Variants in C2CD5 observed in about 807,000 individuals in gnomAD.
C2CD5 encodes C2 domain-containing protein 5.
C2CD5 carries 109 observed loss-of-function variants against 130.3 expected under a neutral mutation model. The observed-to-expected ratio is 0.84, with a 90% CI of 0.72 to 0.98. The LOEUF (loss-of-function observed/expected upper bound fraction) is 0.98. Ranked by LOEUF, C2CD5 falls within the 50% of genes least tolerant of loss-of-function variation. The pLI, the probability that C2CD5 is intolerant of heterozygous loss-of-function variation, is 0.00. For synonymous variants in C2CD5, 454 were observed against 429.2 expected (o/e 1.06, Z -0.71); for missense variants, 996 against 1,261.8 (o/e 0.79, Z 3.19).
rs765762043 is a variant in C2CD5, at chr12:22,472,317, G to A, written c.2138C>T (p.Pro713Leu). 2.6e-6 allele frequency: 4 copies of A among 1,512,262 alleles called. No homozygotes were observed. The highest frequency in any genetic ancestry group is 1.2e-5 in the South Asian group (1 of 83,158). The allele number at this position is 1,512,262 out of a possible 1,614,324, so 93.7% of individuals were successfully genotyped here. ...GFYSCNTEIM[P>L]GINNWTSEIQ... is the part of the protein sequence containing the mutation. ...TTCAGAGGTCCAATTATTTATACCG[G>A]GCATAATTTCTGTATTACAACTATA... The change falls in exon 18 of 27, where the codon CCC becomes CTC. Residue 713 changes from proline to leucine, a missense_variant. Transcript: ENST00000446597.
At chr12:22,524,364 T>C in intron 6 of C2CD5, 108 bp downstream of exon 6, 2 of 881,812 alleles carry the variant, frequency 2.3e-6, no homozygotes, top group Non-Finnish European at 3.6e-6. Flanking sequence ...ATGCAGTCAC[T>C]TATAATTCAT....
At chr12:22,505,973 C>CCACCAA (rs1188126805) in intron 10 of C2CD5, among the ~76,000 whole-genome samples, 1 of 141,596 alleles carries the variant, frequency 7.1e-6, no homozygotes, top group Non-Finnish European at 1.6e-5. Flanking sequence ...GTGCTGGGAT[C>CCACCAA]TGGGTTCTGT....
intron 14 of C2CD5, among the ~76,000 whole-genome samples, chr12:22,481,338 A>G (rs1191105562): frequency 6.6e-6 from 1 of 152,170 alleles, no homozygotes; most frequent in African/African-American, 2.4e-5. Flanking sequence ...TTAAATGTCT[A>G]TGCACTCTCA....
chr12:22,511,773 C>A (rs113529218), intron 9 of C2CD5, among the ~76,000 whole-genome samples: 18 of 152,242 alleles, frequency 1.2e-4, no homozygotes, highest in African/African-American at 4.1e-4. Flanking sequence ...GTCACAGGCA[C>A]AACATACAAG....
At chr12:22,495,382 A>G (rs1449672535) in intron 10 of C2CD5, among the ~76,000 whole-genome samples, 2 of 152,100 alleles carry the variant, frequency 1.3e-5, no homozygotes, top group Admixed American at 6.6e-5. Context: ...TTCTACATAT[A>G]TTTATTTTTA....
intron 2 of C2CD5, 106 bp downstream of exon 2, chr12:22,543,955 A>C: frequency 1.2e-6 from 1 of 804,986 alleles, no homozygotes. Context: ...GGCCGAAGGG[A>C]GGGCAGTCGA....
chr12:22,519,230 C>G, intron 7 of C2CD5: 4 of 1,535,614 alleles, frequency 2.6e-6, no homozygotes, highest in Middle Eastern at 1.7e-4. Context: ...GAGGATGAAC[C>G]AGCGGAGACC....
chr12:22,501,198 C>T (rs1947738190), intron 10 of C2CD5, among the ~76,000 whole-genome samples: 1 of 152,148 alleles, frequency 6.6e-6, no homozygotes. Flanking sequence ...TTTTAACATT[C>T]TATAACTTAT....
At chr12:22,461,479 G>GCTATGTA (rs1279457717) in intron 22 of C2CD5, among the ~76,000 whole-genome samples, 6 of 152,172 alleles carry the variant, frequency 3.9e-5, no homozygotes, top group Non-Finnish European at 7.3e-5. Flanking sequence ...GAGCTTACCT[G>GCTATGTA]AGTATGTATT....
chr12:22,514,477 T>C (rs1312382974), intron 8 of C2CD5, among the ~76,000 whole-genome samples: 3 of 152,124 alleles, frequency 2.0e-5, no homozygotes, highest in Non-Finnish European at 4.4e-5. Flanking sequence ...AATGTAAATT[T>C]GTAGTGATAA....
chr12:22,485,902 A>C (rs1208578006), intron 12 of C2CD5, among the ~76,000 whole-genome samples: 1 of 134,198 alleles, frequency 7.5e-6, no homozygotes, highest in African/African-American at 2.4e-5. Flanking sequence ...CTACTCTCCT[A>C]CATTCTCCAA....
intron 10 of C2CD5, among the ~76,000 whole-genome samples, chr12:22,496,933 C>T (rs1312076160): frequency 6.6e-6 from 1 of 151,956 alleles, no homozygotes; most frequent in Non-Finnish European, 1.5e-5. Context: ...GGCCACAGCT[C>T]GATATCTTGC....
At chr12:22,467,297 G>A (rs999103284) in intron 22 of C2CD5, among the ~76,000 whole-genome samples, 1 of 152,032 alleles carries the variant, frequency 6.6e-6, no homozygotes, top group African/African-American at 2.4e-5. Flanking sequence ...GGCTTCCTGA[G>A]TAGCTGGGAC....
intron 3 of C2CD5, among the ~76,000 whole-genome samples, chr12:22,532,031 G>A (rs190220985): frequency 2.6e-4 from 39 of 152,240 alleles, no homozygotes; most frequent in Admixed American, 4.6e-4. Flanking sequence ...CCAAAATGCT[G>A]AGTGATTTAA....
At chr12:22,519,179 G>A (rs1950042697) in intron 7 of C2CD5, 3 of 1,535,782 alleles carry the variant, frequency 2.0e-6, no homozygotes, top group Non-Finnish European at 2.6e-6. Flanking sequence ...CAGTAGCAGT[G>A]TGAATTGGGC....
At chr12:22,496,882 C>T (rs1379261970) in intron 10 of C2CD5, among the ~76,000 whole-genome samples, 1 of 151,948 alleles carries the variant, frequency 6.6e-6, no homozygotes, top group African/African-American at 2.4e-5. Flanking sequence ...AGGTTGACAT[C>T]AGAATTCATT....
chr12:22,534,195 A>G (rs1951604636), intron 3 of C2CD5, among the ~76,000 whole-genome samples: 1 of 152,194 alleles, frequency 6.6e-6, no homozygotes, highest in Non-Finnish European at 1.5e-5. Context: ...CTATTAAAAG[A>G]AAGGAATGAA....
chr12:22,540,423 C>T (rs776657812), intron 2 of C2CD5, among the ~76,000 whole-genome samples: 1 of 152,120 alleles, frequency 6.6e-6, no homozygotes, highest in Non-Finnish European at 1.5e-5. Flanking sequence ...ATGTAAGTTC[C>T]GTGAATGAAG....
In C2CD5 at chr12:22,523,385, T is replaced by C. The variant is rs763556365; in HGVS notation, c.800+41A>G. On this transcript the variant is annotated intron_variant, in intron 7 of 26. Coordinates refer to ENST00000446597, the MANE Select transcript of C2CD5 (RefSeq NM_001286176.2). ...CAAATGAAAAAGCATAGATAAAAGATAAAAATCTTAGCAAGAACAATTTCA... is the reference window on the plus strand; with the variant it reads ...CAAATGAAAAAGCATAGATAAAAGACAAAAATCTTAGCAAGAACAATTTCA... 6.0e-6 allele frequency: 9 copies of C among 1,504,516 alleles called. No homozygotes were observed. In the South Asian group the frequency reaches 9.2e-5, roughly 15 times the overall value. The allele number at this position is 1,504,516 out of a possible 1,614,324, so 93.2% of individuals were successfully genotyped here.
Sources: allele counts gnomAD v4.1 joint callset (sites outside exome capture counted in the v4.1 genomes callset), GRCh38; gene constraint gnomAD v4.1.1; transcripts MANE v1.5; gene names NCBI Gene and HGNC (gene_info 2026-07-23, HGNC 2026-07-21).